Variants in TEKT1 observed in about 807,000 individuals in gnomAD.
TEKT1 encodes tektin 1.
A neutral mutation model predicts 34.8 loss-of-function variants in TEKT1; 32 were observed. The ratio of observed to expected loss-of-function variants is 0.92; its 90% CI spans 0.69 to 1.23. The LOEUF (loss-of-function observed/expected upper bound fraction) is 1.23, where lower values mean the gene tolerates loss of function less well. TEKT1 is among the 50% of genes most tolerant of loss of function. The pLI, the probability that TEKT1 is intolerant of heterozygous loss-of-function variation, is 0.00. For missense variants in TEKT1, 492 were observed against 518.5 expected (o/e 0.95, Z 0.50); for synonymous variants, 207 against 199.8 (o/e 1.04, Z -0.30).
chr17:6,831,516 C>T (rs1358972040), intron 1 of TEKT1, 133 bp downstream of exon 1: 2 of 152,206 alleles, frequency 1.3e-5, no homozygotes, highest in African/African-American at 4.8e-5. Context: ...TAACCCAAGG[C>T]TCCTGGATAA....
At chr17:6,814,841 A>AAAAAAAGGG in intron 5 of TEKT1, 1 of 213,244 alleles carries the variant, frequency 4.7e-6, no homozygotes, top group Non-Finnish European at 8.8e-6. Context: ...CTGTCTCAAA[A>AAAAAAAGGG]AAAAAAGGGG....
chr17:6,808,235 C>A (rs1017894979), intron 6 of TEKT1, among the ~76,000 whole-genome samples: 7 of 152,308 alleles, frequency 4.6e-5, no homozygotes, highest in Admixed American at 1.3e-4. Context: ...TAGCAGTGAG[C>A]GAGGCTCCGT....
At chr17:6,821,847 G>A (rs1266449337) in intron 2 of TEKT1, among the ~76,000 whole-genome samples, 1 of 151,970 alleles carries the variant, frequency 6.6e-6, no homozygotes, top group East Asian at 1.9e-4. Flanking sequence ...GAGACTGGCA[G>A]CATTTTGCCC....
At chr17:6,801,663 G>C (rs999428222) in intron 6 of TEKT1, among the ~76,000 whole-genome samples, 104 of 152,172 alleles carry the variant, frequency 6.8e-4, no homozygotes, top group Non-Finnish European at 1.2e-3. Flanking sequence ...AGCCAAGATC[G>C]TGCCACTGCA....
At chr17:6,802,128 A>G (rs901263433) in intron 6 of TEKT1, among the ~76,000 whole-genome samples, 1 of 152,232 alleles carries the variant, frequency 6.6e-6, no homozygotes, top group Admixed American at 6.5e-5. Flanking sequence ...ATATTTAGTG[A>G]TCACATTTCA....
At chr17:6,802,126 T>C (rs1352208062) in intron 6 of TEKT1, among the ~76,000 whole-genome samples, 1 of 152,218 alleles carries the variant, frequency 6.6e-6, no homozygotes, top group Non-Finnish European at 1.5e-5. Flanking sequence ...TAATATTTAG[T>C]GATCACATTT....
chr17:6,803,908 T>G (rs968126315), intron 6 of TEKT1, among the ~76,000 whole-genome samples: 1 of 152,092 alleles, frequency 6.6e-6, no homozygotes. Flanking sequence ...CCTCCAGCTT[T>G]GTTCTTTTGG....
At position 6,800,747 on chromosome 17, in the gene TEKT1, C is replaced by G; in HGVS notation, c.1049G>C (p.Arg350Thr). 1 of 1,610,190 alleles carries G rather than the reference C, an allele frequency of 6.2e-7. No individual in the cohort carries two copies. Among genetic ancestry groups the G allele is most frequent in the Non-Finnish European group, 8.5e-7 (1 of 1,177,462 alleles). ...CTCTGCCCACTGGCTGCTAGCCTAC[C>G]TTGCGACATTGTGGGTGATCTCTTG... ...EVQEITHNVARLKETLAQAQA... is the reference protein window; with the variant it reads ...EVQEITHNVATLKETLAQAQA... Residue 350 changes from arginine (R) to threonine (T), a missense_variant and splice_region_variant, in exon 7 of 8, where the codon AGA (arginine) becomes ACA (threonine). Coordinates refer to ENST00000338694, the MANE Select transcript of TEKT1 (RefSeq NM_053285.2).
chr17:6,821,744 T>C (rs1977093032), intron 2 of TEKT1, among the ~76,000 whole-genome samples: 1 of 152,212 alleles, frequency 6.6e-6, no homozygotes, highest in African/African-American at 2.4e-5. Flanking sequence ...GACAGTGATA[T>C]GGACAATGAA....
intron 3 of TEKT1, 90 bp downstream of exon 3, chr17:6,819,103 T>C: frequency 1.4e-6 from 2 of 1,473,188 alleles, no homozygotes; most frequent in East Asian, 4.6e-5. Flanking sequence ...AGTGCTGTGT[T>C]CTAACTCACC....
Position 6,830,813 on chromosome 17 carries a change from T to C in TEKT1, c.-17-420A>G, listed in dbSNP as rs1792030966. On this transcript the variant is annotated intron_variant, in intron 1 of 7. Transcript: ENST00000338694. ...TGCCGTTATATGAATAAAATCTAGC[T>C]GTCTTTTCTACTGTTTATGGATATT... is the stretch of plus-strand genomic sequence containing the variant. 2.0e-5 allele frequency among the ~76,000 whole-genome samples: 3 copies of C among 152,206 alleles called. No individual in the cohort carries two copies. In the South Asian group the frequency reaches 6.2e-4, roughly 32 times the overall value.
chr17:6,806,383 C>T (rs1282615429), intron 6 of TEKT1, among the ~76,000 whole-genome samples: 1 of 152,084 alleles, frequency 6.6e-6, no homozygotes, highest in Non-Finnish European at 1.5e-5. Flanking sequence ...GATGGGTTTC[C>T]TGAATACAGC....
At chr17:6,816,223 C>A (rs1977006782) in intron 3 of TEKT1, among the ~76,000 whole-genome samples, 1 of 151,914 alleles carries the variant, frequency 6.6e-6, no homozygotes, top group Non-Finnish European at 1.5e-5. Flanking sequence ...CTCTCTTTTT[C>A]TTTTCTTTGT....
At chr17:6,815,404 T>A in intron 4 of TEKT1, 98 bp from the exon 5 acceptor site, 1 of 1,428,838 alleles carries the variant, frequency 7.0e-7, no homozygotes, top group East Asian at 2.3e-5. Context: ...CAGCTAGGTC[T>A]GGTGCAGGAT....
chr17:6,803,780 C>T (rs1305948993), intron 6 of TEKT1, among the ~76,000 whole-genome samples: 1 of 151,996 alleles, frequency 6.6e-6, no homozygotes, highest in Non-Finnish European at 1.5e-5. Context: ...AGATATGCGG[C>T]AGTATTTCTG....
chr17:6,810,345 A>G (rs530528177), intron 6 of TEKT1, among the ~76,000 whole-genome samples: 4 of 152,230 alleles, frequency 2.6e-5, no homozygotes, highest in Middle Eastern at 3.4e-3. Context: ...GAATTTTAAG[A>G]GTTCTTTGTA....
chr17:6,812,489 A>G (rs1976941858), intron 6 of TEKT1, among the ~76,000 whole-genome samples: 1 of 152,136 alleles, frequency 6.6e-6, no homozygotes. Context: ...TCCGTACTTC[A>G]CATACGGAGG....
intron 6 of TEKT1, among the ~76,000 whole-genome samples, chr17:6,801,710 A>G (rs1486361180): frequency 2.6e-5 from 4 of 152,090 alleles, no homozygotes; most frequent in Non-Finnish European, 4.4e-5. Context: ...TCCGCCTCAG[A>G]AAAAAAAGAA....
In TEKT1 at chr17:6,830,353, T is replaced by C. The variant is rs8078571; in HGVS notation, c.24A>G (p.Pro8=). 0.49 allele frequency: 774,831 copies of C among 1,591,900 alleles called. 194,267 individuals are homozygous for C. The highest frequency in any genetic ancestry group is 0.84 in the African/African-American group (61,707 of 73,708). Residue 8 remains proline (P), a synonymous_variant, in exon 2 of 8, where the codon CCA becomes CCG. Transcript: ENST00000338694. MAKLLQP[P]PKFLPSEWHI... ...GCCACTCTGAGGGCAGGAACTTGGGTGGAGGTTGTAATAGTTTAGCCATTT... is the reference window on the plus strand; with the variant it reads ...GCCACTCTGAGGGCAGGAACTTGGGCGGAGGTTGTAATAGTTTAGCCATTT...
Sources: allele counts gnomAD v4.1 joint callset (sites outside exome capture counted in the v4.1 genomes callset), GRCh38; gene constraint gnomAD v4.1.1; transcripts MANE v1.5; gene names NCBI Gene and HGNC (gene_info 2026-07-23, HGNC 2026-07-21).